Variants in REG4 observed in about 807,000 individuals in gnomAD.
REG4 encodes the protein regenerating islet-derived protein 4.
REG4 carries 16 observed loss-of-function variants against 22.3 expected under a neutral mutation model. That is an observed-to-expected ratio of 0.72 (90% CI 0.49 to 1.09). The LOEUF (loss-of-function observed/expected upper bound fraction) is 1.09. Ranked by LOEUF, REG4 falls within the 50% of genes least tolerant of loss-of-function variation. REG4 has a pLI of 0.00. For synonymous variants in REG4, 71 were observed against 69.2 expected, an observed-to-expected ratio of 1.03 and a Z score of -0.13; for missense variants, 214 against 193.9, an observed-to-expected ratio of 1.10 and a Z score of -0.61.
rs1571065008 is a variant in REG4 at position 119,799,781 on chromosome 1, T to C, written c.247A>G (p.Ile83Val). Residue 83 changes from isoleucine (I) to valine (V), a missense_variant, in exon 4 of 6, where the codon ATA becomes GTA. Transcript: ENST00000256585. Reference sequence around the variant, plus strand: ...GGCTGGCTTCTCTGATAGCCACTTATGTACTCTGCTATGGTGCTGGCTTCC... The same window carrying C: ...GGCTGGCTTCTCTGATAGCCACTTACGTACTCTGCTATGGTGCTGGCTTCC... The part of the protein sequence containing the change: ...LKEASTIAEY[I>V]SGYQRSQPIW... 1.9e-6 allele frequency: 3 copies of C among 1,614,180 alleles called. No homozygotes were observed. Among genetic ancestry groups the C allele is most frequent in the Non-Finnish European group, 2.5e-6 (3 of 1,180,040 alleles).
intron 3 of REG4, chr1:119,802,769 A>T (rs1654152805): frequency 6.9e-7 from 1 of 1,453,542 alleles, no homozygotes. Flanking sequence ...TCCTCCTTTG[A>T]TTGATGTATT....
In REG4 at chr1:119,800,997, C is replaced by T. The variant is rs587687838; in HGVS notation, c.166-1135G>A. 9.2e-4 allele frequency among the ~76,000 whole-genome samples: 140 copies of T among 152,304 alleles called. 1 individual carries two copies. Among genetic ancestry groups the T allele is most frequent in the Non-Finnish European group, 1.7e-3 (117 of 68,022 alleles). On this transcript the variant is annotated intron_variant, in intron 3 of 5. Transcript: ENST00000256585. Reference sequence around the variant, plus strand: ...TCCCCAATTTTTCCTTCTTCCTTTGCAAAAGTGCTGTCTTCTTTCATATCC... The same window carrying T: ...TCCCCAATTTTTCCTTCTTCCTTTGTAAAAGTGCTGTCTTCTTTCATATCC...
At chr1:119,806,696 C>A (rs1020543210) in intron 2 of REG4, among the ~76,000 whole-genome samples, 3 of 152,144 alleles carry the variant, frequency 2.0e-5, no homozygotes, top group South Asian at 2.1e-4. Context: ...GGCCTTAGAA[C>A]CTTGACCCCA....
chr1:119,808,915 A>C, intron 1 of REG4, 52 bp from the exon 2 acceptor site: 1 of 554,216 alleles, frequency 1.8e-6, no homozygotes, highest in South Asian at 2.4e-5. Context: ...ATGCCAACTA[A>C]TACATATGGA....
intron 2 of REG4, among the ~76,000 whole-genome samples, chr1:119,806,572 A>G (rs949577014): frequency 6.6e-6 from 1 of 152,202 alleles, no homozygotes; most frequent in Non-Finnish European, 1.5e-5. Context: ...AGGTGTGGAT[A>G]ACCATTTCCA....
chr1:119,802,214 C>T lies in REG4; in HGVS notation c.165+854G>A. On this transcript the variant is annotated intron_variant, in intron 3 of 5. Coordinates refer to ENST00000256585, the MANE Select transcript of REG4 (RefSeq NM_032044.4). The stretch of plus-strand genomic sequence containing the variant: ...TTTGCTGGGGTTGCTGTGTCAGTTA[C>T]TCTCAGTGTAAACTTGGGAAAGTCA... The T allele has an allele frequency of 6.2e-6, 3 of 481,292 alleles. 1 individual carries two copies. Among genetic ancestry groups the T allele is most frequent in the Non-Finnish European group, 8.1e-6 (3 of 369,368 alleles). 29.8% of individuals were successfully genotyped at this position (481,292 alleles called of 1,614,324 possible).
In REG4 at chr1:119,794,686, C is replaced by T. The variant is rs758895766; in HGVS notation, c.410-1G>A. The T allele has an allele frequency of 3.7e-6, 6 of 1,613,672 alleles. No individual in the cohort carries two copies. Among genetic ancestry groups the T allele is most frequent in the Admixed American group, 1.7e-5 (1 of 59,990 alleles). On this transcript the variant is annotated splice_acceptor_variant, in intron 5 of 5. Coordinates refer to ENST00000256585, the MANE Select transcript of REG4 (RefSeq NM_032044.4). LOFTEE classifies it high-confidence loss of function. Reference sequence around the variant, plus strand: ...TCGTTGCTGCTCCAAGTTAAAAAGTCTGTAAGAAAATAAACAGATATTTAA... The same window carrying T: ...TCGTTGCTGCTCCAAGTTAAAAAGTTTGTAAGAAAATAAACAGATATTTAA...
intron 5 of REG4, among the ~76,000 whole-genome samples, chr1:119,797,404 T>C (rs1214025818): frequency 6.6e-6 from 1 of 152,172 alleles, no homozygotes; most frequent in Non-Finnish European, 1.5e-5. Flanking sequence ...CTTTGCCTCA[T>C]GCTGTTAGAA....
chr1:119,802,794 T>A, intron 3 of REG4: 1 of 1,485,958 alleles, frequency 6.7e-7, no homozygotes, highest in Non-Finnish European at 8.9e-7. Context: ...TCTCCTTTAC[T>A]GACAGTGAGC....
intron 2 of REG4, among the ~76,000 whole-genome samples, 160 bp from the exon 3 acceptor site, chr1:119,803,325 G>T (rs1236319616): frequency 2.0e-5 from 3 of 152,168 alleles, no homozygotes; most frequent in Non-Finnish European, 4.4e-5. Flanking sequence ...CCTTCTTCTG[G>T]CTTTTCCCAA....
intron 2 of REG4, among the ~76,000 whole-genome samples, chr1:119,804,307 G>A (rs587709467): frequency 3.9e-5 from 6 of 152,228 alleles, no homozygotes; most frequent in African/African-American, 1.4e-4. Flanking sequence ...GCATCTCCCA[G>A]GGCTCCCCAT....
At position 119,804,813 on chromosome 1, in the gene REG4, G is replaced by C. The variant is rs116174673; in HGVS notation, c.68-1648C>G. On this transcript the variant is annotated intron_variant, in intron 2 of 5. Transcript: ENST00000256585. ...TGTGTGTCCCTCCTTGTCTGTGACT[G>C]TTTTCTGCTCTCATTCTTTTTTCTC... Among the ~76,000 whole-genome samples, 1,469 of 152,134 alleles carry C rather than the reference G, an allele frequency of 9.7e-3. 30 individuals are homozygous for C. The highest frequency in any genetic ancestry group is 0.034 in the African/African-American group (1,416 of 41,504).
intron 5 of REG4, among the ~76,000 whole-genome samples, chr1:119,797,780 C>T (rs78150231): frequency 0.024 from 3,685 of 152,262 alleles, 150 homozygotes; most frequent in African/African-American, 0.083. Context: ...TTGATTGTCA[C>T]GACCTGGGAG....
At chr1:119,795,594 C>T (rs1331145349) in intron 5 of REG4, among the ~76,000 whole-genome samples, 1 of 152,214 alleles carries the variant, frequency 6.6e-6, no homozygotes, top group East Asian at 1.9e-4. Context: ...GAGTTGTTCC[C>T]TGGCTAGGTG....
At position 119,803,142 on chromosome 1, in the gene REG4, C is replaced by T. The variant is rs1233872793; in HGVS notation, c.91G>A (p.Ala31Thr). Residue 31 changes from alanine to threonine, a missense_variant, in exon 3 of 6, where the codon GCT (alanine) becomes ACT (threonine). Ala to Thr is a moderately conservative substitution (Grantham distance 58). Coordinates refer to ENST00000256585, the MANE Select transcript of REG4 (RefSeq NM_032044.4). ...GACTTGTGGTAAAACCATCCAGGAG[C>T]ACAGCTGGGTCTCATGATGATATCT... ...LGDIIMRPSCAPGWFYHKSNC... is the reference protein window; with the variant it reads ...LGDIIMRPSCTPGWFYHKSNC... The T allele has an allele frequency of 1.3e-6, 2 of 1,526,698 alleles. No homozygotes were observed. Among genetic ancestry groups the T allele is most frequent in the Non-Finnish European group, 8.8e-7 (1 of 1,139,692 alleles). 94.6% of individuals were successfully genotyped at this position (1,526,698 alleles called of 1,614,324 possible).
intron 4 of REG4, among the ~76,000 whole-genome samples, chr1:119,799,409 T>TACACACACAC (rs58324924): frequency 4.0e-5 from 6 of 150,354 alleles, no homozygotes; most frequent in East Asian, 2.0e-4. Flanking sequence ...CCTGTGTGCG[T>TACACACACAC]ACACACACAC....
chr1:119,805,217 G>C (rs1432913709), intron 2 of REG4, among the ~76,000 whole-genome samples: 1 of 152,218 alleles, frequency 6.6e-6, no homozygotes. Flanking sequence ...CTTCTTAAGA[G>C]AAGGCTGGCC....
chr1:119,801,287 A>G (rs1654089942), intron 3 of REG4: 1 of 152,232 alleles, frequency 6.6e-6, no homozygotes, highest in African/African-American at 2.4e-5. Flanking sequence ...TACTGCTCCC[A>G]TTCTTGCTTT....
chr1:119,805,317 G>C (rs587748012), intron 2 of REG4, among the ~76,000 whole-genome samples: 1 of 152,294 alleles, frequency 6.6e-6, no homozygotes, highest in South Asian at 2.1e-4. Flanking sequence ...ATACCAGTGA[G>C]ACTGTTCTGA....
Sources: allele counts gnomAD v4.1 joint callset (sites outside exome capture counted in the v4.1 genomes callset), GRCh38; gene constraint gnomAD v4.1.1; transcripts MANE v1.5; gene names NCBI Gene and HGNC (gene_info 2026-07-23, HGNC 2026-07-21).